Variants in CRYL1 observed in about 807,000 individuals in gnomAD.
CRYL1 encodes crystallin lambda 1.
In CRYL1, 29 loss-of-function variants were observed where a neutral mutation model predicts 36.6. The ratio of observed to expected loss-of-function variants is 0.79; its 90% CI spans 0.59 to 1.08. The LOEUF (loss-of-function observed/expected upper bound fraction) is 1.08. Among genes scored for constraint, CRYL1 ranks in the 50% least tolerant of loss-of-function variants. The pLI is 0.00. For synonymous variants in CRYL1, 152 were observed against 151.5 expected, an observed-to-expected ratio of 1.00 and a Z score of -0.02; for missense variants, 411 against 407.9, an observed-to-expected ratio of 1.01 and a Z score of -0.06.
rs764364499 is a variant in CRYL1, at chr13:20,413,391, C to T, written c.634-4G>A. On this transcript the variant is annotated splice_polypyrimidine_tract_variant and splice_region_variant and intron_variant, in intron 5 of 7. Transcript: ENST00000298248. ...CACTAGGAGACACGATTCCTTCCTA[C>T]GTGGAGAAATTGGGCGGCATAGATG... The T allele has an allele frequency of 2.9e-5, 47 of 1,595,748 alleles. No individual in the cohort carries two copies. In the African/African-American group the frequency reaches 3.2e-4, roughly 11 times the overall value.
At chr13:20,433,915 C>T (rs923829034) in intron 4 of CRYL1, 1 of 154,416 alleles carries the variant, frequency 6.5e-6, no homozygotes, top group Non-Finnish European at 1.5e-5. Flanking sequence ...AGTGGCCCAT[C>T]TGTGCCCACT....
chr13:20,442,440 G>A (rs2032370293), intron 3 of CRYL1, among the ~76,000 whole-genome samples: 1 of 152,126 alleles, frequency 6.6e-6, no homozygotes, highest in South Asian at 2.1e-4. Flanking sequence ...GATACCCCTG[G>A]TCTGAAAAAG....
chr13:20,493,009 A>G (rs4600315), intron 2 of CRYL1, among the ~76,000 whole-genome samples: 12 of 152,188 alleles, frequency 7.9e-5, no homozygotes, highest in African/African-American at 2.9e-4. Context: ...TAGGGGATCC[A>G]AGTTCTCTTT....
At chr13:20,439,515 A>AC in intron 4 of CRYL1, 78 bp downstream of exon 4, 7 of 48,334 alleles carry the variant, frequency 1.4e-4, no homozygotes, top group Middle Eastern at 3.1e-3. Flanking sequence ...CCTCCCCCGC[A>AC]AAAAAAAAAA....
chr13:20,449,255 CA>C (rs2032519180), intron 3 of CRYL1, among the ~76,000 whole-genome samples: 1 of 152,132 alleles, frequency 6.6e-6, no homozygotes, highest in Non-Finnish European at 1.5e-5. Flanking sequence ...AAAATAGCAG[CA>C]ATGCATTGTA....
chr13:20,491,528 C>A (rs541071771), intron 2 of CRYL1, among the ~76,000 whole-genome samples: 2 of 152,184 alleles, frequency 1.3e-5, no homozygotes, highest in African/African-American at 4.8e-5. Flanking sequence ...CAGTGTCTCA[C>A]GCCTGTAATT....
chr13:20,472,214 TC>T (rs1167631465), intron 3 of CRYL1, among the ~76,000 whole-genome samples: 5 of 152,086 alleles, frequency 3.3e-5, no homozygotes, highest in Non-Finnish European at 7.4e-5. Flanking sequence ...CCTGTGCACA[TC>T]CTCCTATATA....
chr13:20,499,361 A>AT (rs1271777395), intron 2 of CRYL1, among the ~76,000 whole-genome samples: 1 of 149,880 alleles, frequency 6.7e-6, no homozygotes, highest in Non-Finnish European at 1.5e-5. Flanking sequence ...AAAAAAAAAA[A>AT]AATGTGGCCG....
At chr13:20,456,896 T>G (rs961534297) in intron 3 of CRYL1, among the ~76,000 whole-genome samples, 19 of 152,098 alleles carry the variant, frequency 1.2e-4, no homozygotes, top group African/African-American at 4.3e-4. Flanking sequence ...CATCAGTACT[T>G]TGCCTCTCAG....
chr13:20,462,936 G>A (rs749644455), intron 3 of CRYL1, among the ~76,000 whole-genome samples: 3 of 152,116 alleles, frequency 2.0e-5, no homozygotes, highest in African/African-American at 2.4e-5. Flanking sequence ...TACCTGGTAC[G>A]CAGCAAGCAC....
chr13:20,462,995 T>C (rs1414107973), intron 3 of CRYL1, among the ~76,000 whole-genome samples: 1 of 152,182 alleles, frequency 6.6e-6, no homozygotes, highest in Non-Finnish European at 1.5e-5. Flanking sequence ...ACTTACCTTA[T>C]CCACATTTTG....
In CRYL1 at chr13:20,436,970, C is replaced by A. The variant is rs916435100; in HGVS notation, c.438+2623G>T. Reference sequence around the variant, plus strand: ...ATGGGTCTTGATTCTGTAGGGACTGCCTGTCCAGTCCCCTAGAGGTCCCGT... The same window carrying A: ...ATGGGTCTTGATTCTGTAGGGACTGACTGTCCAGTCCCCTAGAGGTCCCGT... On this transcript the variant is annotated intron_variant, in intron 4 of 7. Coordinates refer to ENST00000298248, the MANE Select transcript of CRYL1 (RefSeq NM_015974.3). Among the ~76,000 whole-genome samples, 37 of 152,134 alleles carry A rather than the reference C, an allele frequency of 2.4e-4. 1 individual carries two copies. Among genetic ancestry groups the A allele is most frequent in the Admixed American group, 7.9e-4 (12 of 15,278 alleles).
At chr13:20,460,569 A>G (rs1232381340) in intron 3 of CRYL1, among the ~76,000 whole-genome samples, 1 of 112,098 alleles carries the variant, frequency 8.9e-6, no homozygotes, top group African/African-American at 3.5e-5. Context: ...TCTGTCGCCC[A>G]GGCTGGAGTG....
intron 2 of CRYL1, among the ~76,000 whole-genome samples, chr13:20,491,565 C>T (rs185888992): frequency 3.9e-5 from 6 of 152,246 alleles, no homozygotes; most frequent in Admixed American, 6.5e-5. Flanking sequence ...CCAAGGCAGG[C>T]GGGTCACTTG....
intron 6 of CRYL1, 88 bp downstream of exon 6, chr13:20,413,194 T>A (rs2031567895): frequency 2.4e-6 from 2 of 840,928 alleles, no homozygotes; most frequent in African/African-American, 3.4e-5. Flanking sequence ...CTCTATTCAG[T>A]TGTAAGAAAA....
chr13:20,416,622 T>C (rs1314998656), intron 5 of CRYL1, among the ~76,000 whole-genome samples: 2 of 152,224 alleles, frequency 1.3e-5, no homozygotes, highest in African/African-American at 4.8e-5. Context: ...GTATTCAAAC[T>C]GGGAAGTATG....
At chr13:20,514,078 A>C (rs67616331) in intron 1 of CRYL1, among the ~76,000 whole-genome samples, 25,804 of 152,162 alleles carry the variant, frequency 0.17, 2,450 homozygotes, top group African/African-American at 0.25. Flanking sequence ...AATGAAGAAG[A>C]AGCCAAATCT....
chr13:20,453,468 A>ATATTCT (rs59029327), intron 3 of CRYL1, among the ~76,000 whole-genome samples: 3 of 151,584 alleles, frequency 2.0e-5, no homozygotes, highest in Admixed American at 6.6e-5. Flanking sequence ...ATATTTTGAA[A>ATATTCT]ATGAAAACAC....
Position 20,525,688 on chromosome 13 carries a change from GA to G in CRYL1, c.41+65del, listed in dbSNP as rs2034178961. ...GGCGCCCACCCCGAGGGCCCCACGCGAGGGCACCACGTCCCCGGCGTCTCCC... is the reference window on the plus strand; with the variant it reads ...GGCGCCCACCCCGAGGGCCCCACGCGGGGCACCACGTCCCCGGCGTCTCCC... On this transcript the variant is annotated intron_variant, in intron 1 of 7. Transcript: ENST00000298248. This position sits in a 1 kb window ranked among gnomAD's most constrained non-coding sequence, Gnocchi z 4.3. 1 of 1,276,744 alleles carries G rather than the reference GA, an allele frequency of 7.8e-7. No homozygotes were observed. Among genetic ancestry groups the G allele is most frequent in the African/African-American group, 1.6e-5 (1 of 64,158 alleles). 79.1% of individuals were successfully genotyped at this position (1,276,744 alleles called of 1,614,324 possible). A position where few individuals can be genotyped will look rare whatever the true frequency, so the allele number is the denominator to read the frequency against.
Sources: allele counts gnomAD v4.1 joint callset (sites outside exome capture counted in the v4.1 genomes callset), GRCh38; gene constraint gnomAD v4.1.1; non-coding constraint Gnocchi (gnomAD v3.1); transcripts MANE v1.5; gene names NCBI Gene and HGNC (gene_info 2026-07-23, HGNC 2026-07-21).